SPMAP2L: variants seen among roughly 807,000 people sequenced by gnomAD.
The protein encoded by SPMAP2L is sperm microtubule associated protein 2 like, also known as sperm microtubule associated protein 2-like.
the SPMAP2L span, among the ~76,000 whole-genome samples, chr4:56,572,541 G>A: frequency 6.6e-6 from 1 of 152,146 alleles, no homozygotes; most frequent in Non-Finnish European, 1.5e-5. Context: ...TATTTTTTGA[G>A]TGTATAAATA....
At chr4:56,572,457 A>G in the SPMAP2L span, among the ~76,000 whole-genome samples, 1 of 152,222 alleles carries the variant, frequency 6.6e-6, no homozygotes, top group Admixed American at 6.5e-5. Flanking sequence ...ACAAGCTGCA[A>G]GAAAGCAGTG....
At chr4:56,598,069 C>G in the SPMAP2L span, among the ~76,000 whole-genome samples, 1 of 152,124 alleles carries the variant, frequency 6.6e-6, no homozygotes, top group Admixed American at 6.6e-5. Context: ...CACTATATTG[C>G]CCAGGCTGGT....
At chr4:56,562,974 A>T in the SPMAP2L span, among the ~76,000 whole-genome samples, 1 of 151,802 alleles carries the variant, frequency 6.6e-6, no homozygotes, top group East Asian at 1.9e-4. Flanking sequence ...ATTTTGTAGC[A>T]TATGTAACAT....
the SPMAP2L span, among the ~76,000 whole-genome samples, chr4:56,546,955 T>G: frequency 2.0e-5 from 3 of 152,256 alleles, no homozygotes; most frequent in African/African-American, 7.2e-5. Flanking sequence ...TACTTTTTTT[T>G]GTTTAAATTC....
chr4:56,600,097 C>CTTTCTTTTTTTTTTTTTTTTTTT, the SPMAP2L span, among the ~76,000 whole-genome samples: 2 of 87,782 alleles, frequency 2.3e-5, no homozygotes, highest in African/African-American at 1.0e-4. Flanking sequence ...TCTTTGCTTT[C>CTTTCTTTTTTTTTTTTTTTTTTT]TTTTTTTTTT....
chr4:56,565,439 C>T, the SPMAP2L span, among the ~76,000 whole-genome samples: 3 of 152,148 alleles, frequency 2.0e-5, no homozygotes, highest in Non-Finnish European at 4.4e-5. Context: ...AAACATTTTC[C>T]GTGTTGACAT....
chr4:56,616,174 G>A, the SPMAP2L span, among the ~76,000 whole-genome samples: 1 of 152,192 alleles, frequency 6.6e-6, no homozygotes, highest in South Asian at 2.1e-4. Context: ...GCAAGTCTGA[G>A]ATCAAGGTGT....
the SPMAP2L span, among the ~76,000 whole-genome samples, chr4:56,555,882 T>C: frequency 2.0e-5 from 3 of 152,172 alleles, no homozygotes; most frequent in East Asian, 5.8e-4. Context: ...ATGCATTAAA[T>C]TGTCTCTTAT....
At chr4:56,531,195 C>A in the SPMAP2L span, 1 of 1,504,036 alleles carries the variant, frequency 6.6e-7, no homozygotes, top group Non-Finnish European at 8.9e-7. Flanking sequence ...CCCTCGTCCC[C>A]TCTCCTGCTT....
At chr4:56,531,068 G>T in the SPMAP2L span, 330 of 1,535,328 alleles carry the variant, frequency 2.1e-4, no homozygotes, top group Non-Finnish European at 2.8e-4. Flanking sequence ...CGCAAGTCCC[G>T]CGAGGCCAAG....
the SPMAP2L span, among the ~76,000 whole-genome samples, chr4:56,532,741 C>T: frequency 1.3e-5 from 2 of 152,120 alleles, no homozygotes; most frequent in Non-Finnish European, 2.9e-5. Flanking sequence ...TTCTCTCTGC[C>T]GCCACTCCTA....
the SPMAP2L span, chr4:56,595,552 C>T: frequency 4.9e-6 from 7 of 1,437,220 alleles, no homozygotes; most frequent in Non-Finnish European, 6.9e-6. Flanking sequence ...GCCTTATATT[C>T]CAGAGAGGTG....
the SPMAP2L span, chr4:56,594,989 C>T: frequency 9.3e-6 from 15 of 1,606,696 alleles, no homozygotes; most frequent in East Asian, 1.1e-4. Context: ...TACCTTGCCC[C>T]GTTTTTGCCC....
At chr4:56,548,734 C>A in the SPMAP2L span, 1 of 1,258,344 alleles carries the variant, frequency 7.9e-7, no homozygotes, top group South Asian at 1.7e-5. Flanking sequence ...CTATCTTAAT[C>A]ATATCTTTGA....
chr4:56,537,110 C>T, the SPMAP2L span, among the ~76,000 whole-genome samples: 2 of 152,116 alleles, frequency 1.3e-5, no homozygotes, highest in African/African-American at 2.4e-5. Flanking sequence ...CAGCATCTAA[C>T]ACAACTGGCT....
the SPMAP2L span, chr4:56,530,647 T>A: frequency 3.3e-6 from 5 of 1,522,984 alleles, no homozygotes; most frequent in Non-Finnish European, 4.4e-6. Context: ...GGAGGGTGAG[T>A]CCCGCGCGCG....
At chr4:56,562,799 A>G in the SPMAP2L span, among the ~76,000 whole-genome samples, 1 of 29,290 alleles carries the variant, frequency 3.4e-5, no homozygotes, top group Non-Finnish European at 8.6e-5. Context: ...TTTTTTTACT[A>G]TGTGTGTATT....
chr4:56,571,287 CT>C, the SPMAP2L span, among the ~76,000 whole-genome samples: 2 of 150,076 alleles, frequency 1.3e-5, no homozygotes, highest in African/African-American at 4.9e-5. Context: ...ATAACATAAG[CT>C]TTTTTTTTCT....
the SPMAP2L span, among the ~76,000 whole-genome samples, chr4:56,563,866 G>A: frequency 0.95 from 145,040 of 152,252 alleles, 69,166 homozygotes; most frequent in Middle Eastern, 0.97. Flanking sequence ...TACTGTCTTT[G>A]TCTGGTTTTG....
Sources: allele counts gnomAD v4.1 joint callset (sites outside exome capture counted in the v4.1 genomes callset), GRCh38; gene constraint gnomAD v4.1.1; transcripts MANE v1.5; gene names NCBI Gene and HGNC (gene_info 2026-07-23, HGNC 2026-07-21).